The following RPAP2 variants were observed in gnomAD, a reference collection of about 807,000 sequenced individuals.
RPAP2 encodes the protein putative RNA polymerase II subunit B1 CTD phosphatase RPAP2.
Under a neutral mutation model 73.1 loss-of-function variants are expected in RPAP2, and 52 were observed. The observed-to-expected ratio is 0.71, with a 90% confidence interval of 0.57 to 0.90. RPAP2 has a LOEUF of 0.90. RPAP2 is among the 40% of genes least tolerant of loss of function. RPAP2 has a pLI of 0.00. For synonymous variants in RPAP2, 225 were observed against 242.1 expected (o/e 0.93, Z 0.65); for missense variants, 598 against 701.8 (o/e 0.85, Z 1.67).
At chr1:92,374,930 A>G (rs780660025) in intron 11 of RPAP2, among the ~76,000 whole-genome samples, 3 of 152,146 alleles carry the variant, frequency 2.0e-5, no homozygotes, top group Non-Finnish European at 2.9e-5. Context: ...TTATCTATGT[A>G]AGCAAAAACC....
chr1:92,335,608 A>T (rs1181338663), intron 9 of RPAP2, among the ~76,000 whole-genome samples: 1 of 152,166 alleles, frequency 6.6e-6, no homozygotes, highest in Non-Finnish European at 1.5e-5. Flanking sequence ...ATATATATGA[A>T]GTACAATGGT....
At position 92,391,374 on chromosome 1, in the gene RPAP2, T is replaced by A. The variant is rs183723726; in HGVS notation, c.*4363T>A. The A allele has an allele frequency of 6.6e-6, 1 of 151,830 alleles. No homozygotes were observed. The highest frequency in any genetic ancestry group is 2.4e-5 in the African/African-American group (1 of 41,410). 9.4% of individuals were successfully genotyped at this position (151,830 alleles called of 1,614,324 possible). A position where few individuals can be genotyped will look rare whatever the true frequency, so the allele number is the denominator to read the frequency against. ...AATGTACCAGAATCTCTAGGACATGTTTAAAGCAGTATGTAGAGGGAAATT... is the reference window on the plus strand; with the variant it reads ...AATGTACCAGAATCTCTAGGACATGATTAAAGCAGTATGTAGAGGGAAATT... On this transcript the variant is annotated 3_prime_UTR_variant, in exon 13 of 13. Transcript: ENST00000610020.
chr1:92,323,608 G>C lies in RPAP2; in HGVS notation c.688G>C (p.Gly230Arg), dbSNP rs771151513. Residue 230 changes from glycine (G) to arginine (R), a missense_variant, in exon 8 of 13, where the codon GGA becomes CGA. Gly to Arg is a moderately radical substitution (Grantham distance 125, BLOSUM62 -2). This residue lies in a region of RPAP2 where 506 missense variants were observed against 612.8 expected (regional missense o/e 0.83). Transcript: ENST00000610020. ...EQDFVSSILP[G>R]NRPNSTNIRP... ...AGACTTTGTTTCCTCCATTCTACCA[G>C]GAAACAGACCAAATTCAACAAATAT... 1 of 1,613,908 alleles carries C rather than the reference G, an allele frequency of 6.2e-7. No homozygotes were observed. The highest frequency in any genetic ancestry group is 8.5e-7 in the Non-Finnish European group (1 of 1,179,970).
rs11164225 is a variant in RPAP2 at position 92,356,280 on chromosome 1, T to C, written c.1688+10366T>C. 4.3e-3 allele frequency among the ~76,000 whole-genome samples: 659 copies of C among 152,256 alleles called. 6 individuals are homozygous for C. Among genetic ancestry groups the C allele is most frequent in the African/African-American group, 0.015 (639 of 41,562 alleles). On this transcript the variant is annotated intron_variant, in intron 11 of 12. Transcript: ENST00000610020. Reference sequence around the variant, plus strand: ...GTGTGAGCCACCATGCCCAGCCTATTATTTATATTTTATTCTGGGAATAAG... The same window carrying C: ...GTGTGAGCCACCATGCCCAGCCTATCATTTATATTTTATTCTGGGAATAAG...
Position 92,304,153 on chromosome 1 carries a change from A to G in RPAP2, c.333+78A>G, listed in dbSNP as rs545349551. 17 of 1,268,044 alleles carry G rather than the reference A, an allele frequency of 1.3e-5. No homozygotes were observed. In the African/African-American group the frequency reaches 2.1e-4, roughly 16 times the overall value. 78.5% of individuals were successfully genotyped at this position (1,268,044 alleles called of 1,614,324 possible). A position where few individuals can be genotyped will look rare whatever the true frequency, so the allele number is the denominator to read the frequency against. ...AAATACTTTGTTGTAAGAATAAGAAATAAAACCTAAGGTCATGAACTAAAG... is the reference window on the plus strand; with the variant it reads ...AAATACTTTGTTGTAAGAATAAGAAGTAAAACCTAAGGTCATGAACTAAAG... On this transcript the variant is annotated intron_variant, in intron 4 of 12. Coordinates refer to ENST00000610020, the MANE Select transcript of RPAP2 (RefSeq NM_024813.3).
intron 8 of RPAP2, among the ~76,000 whole-genome samples, chr1:92,325,930 T>C (rs367788494): frequency 1.1e-4 from 16 of 152,196 alleles, no homozygotes; most frequent in African/African-American, 3.9e-4. Flanking sequence ...ACCATTTATT[T>C]ATGCTAATGG....
chr1:92,333,598 T>C, intron 9 of RPAP2, 125 bp downstream of exon 9: 1 of 692,000 alleles, frequency 1.4e-6, no homozygotes, highest in Non-Finnish European at 2.4e-6. Context: ...AAAGTTCACA[T>C]GGATTTCTTC....
At position 92,397,825 on chromosome 1, in the gene RPAP2, G is replaced by T. The variant is rs1186882662; in HGVS notation, c.*10814G>T. 1 of 152,244 alleles carries T rather than the reference G, an allele frequency of 6.6e-6. No individual in the cohort carries two copies. The highest frequency in any genetic ancestry group is 1.5e-5 in the Non-Finnish European group (1 of 68,068). The allele number at this position is 152,244 out of a possible 1,614,324, so 9.4% of individuals were successfully genotyped here. A position where few individuals can be genotyped will look rare whatever the true frequency, so the allele number is the denominator to read the frequency against. On this transcript the variant is annotated 3_prime_UTR_variant, in exon 13 of 13. Coordinates refer to ENST00000610020, the MANE Select transcript of RPAP2 (RefSeq NM_024813.3). The stretch of plus-strand genomic sequence containing the variant: ...ACTAAGCAAGTGCTCAAAAACAAAA[G>T]GATAGAAGCATGTCAGACAGACACA...
Position 92,299,104 on chromosome 1 carries a change from G to T in RPAP2, c.31G>T (p.Gly11Cys), listed in dbSNP as rs764666965. The change falls in exon 1 of 13, where the codon GGC (glycine) becomes TGC (cysteine). Residue 11 changes from glycine to cysteine, a missense_variant. Coordinates refer to ENST00000610020, the MANE Select transcript of RPAP2 (RefSeq NM_024813.3). Reference sequence around the variant, plus strand: ...GGACTTCGCTGGGCCGTCTTCTGCCGGCCGCAAGGCCGGGGCTCCCCGCTG... The same window carrying T: ...GGACTTCGCTGGGCCGTCTTCTGCCTGCCGCAAGGCCGGGGCTCCCCGCTG... MADFAGPSSA[G>C]RKAGAPRCSR... 6 of 1,520,750 alleles carry T rather than the reference G, an allele frequency of 3.9e-6. No individual in the cohort carries two copies. The South Asian group carries it at 6.2e-5, about 16-fold the overall frequency. 94.2% of individuals were successfully genotyped at this position (1,520,750 alleles called of 1,614,324 possible). A position where few individuals can be genotyped will look rare whatever the true frequency, so the allele number is the denominator to read the frequency against.
chr1:92,320,687 A>G (rs981608650), intron 7 of RPAP2, 53 bp downstream of exon 7: 1 of 1,439,762 alleles, frequency 6.9e-7, no homozygotes, highest in East Asian at 2.3e-5. Flanking sequence ...TAATAGAAAC[A>G]TTAGGAGTGA....
Position 92,380,873 on chromosome 1 carries a change from G to A in RPAP2, c.1838G>A (p.Ter613=). ...IIFRTSCLPE[*] Reference sequence around the variant, plus strand: ...TTTAGAACCAGCTGTTTACCAGAGTGGTAAGTTGGATTGTGTTTTATTTTG... The same window carrying A: ...TTTAGAACCAGCTGTTTACCAGAGTAGTAAGTTGGATTGTGTTTTATTTTG... Residue 613 remains the stop codon, a splice_region_variant and stop_retained_variant, in exon 12 of 13, where the codon TGA becomes TAA. Coordinates refer to ENST00000610020, the MANE Select transcript of RPAP2 (RefSeq NM_024813.3). The A allele has an allele frequency of 1.9e-6, 3 of 1,557,420 alleles. No homozygotes were observed. Among genetic ancestry groups the A allele is most frequent in the Non-Finnish European group, 2.6e-6 (3 of 1,159,626 alleles).
At chr1:92,374,113 A>G (rs768690091) in intron 11 of RPAP2, among the ~76,000 whole-genome samples, 10 of 152,338 alleles carry the variant, frequency 6.6e-5, no homozygotes, top group South Asian at 2.1e-4. Flanking sequence ...GGGAAGCCCA[A>G]TTTGGCCTGT....
At chr1:92,366,810 G>C (rs1264770553) in intron 11 of RPAP2, among the ~76,000 whole-genome samples, 2 of 152,098 alleles carry the variant, frequency 1.3e-5, no homozygotes, top group South Asian at 4.2e-4. Flanking sequence ...GGTTTGTATG[G>C]AGCCCTGCAA....
chr1:92,346,876 C>A (rs2101312905), intron 11 of RPAP2, among the ~76,000 whole-genome samples: 1 of 152,264 alleles, frequency 6.6e-6, no homozygotes, highest in Middle Eastern at 3.4e-3. Context: ...ATTACTGTTG[C>A]TGCTTGGTGC....
At chr1:92,312,340 A>G (rs919192773) in intron 6 of RPAP2, among the ~76,000 whole-genome samples, 17 of 151,960 alleles carry the variant, frequency 1.1e-4, no homozygotes, top group Admixed American at 1.1e-3. Flanking sequence ...AGATCACTTG[A>G]GCATAGGAGT....
rs986179375 is a variant in RPAP2 at position 92,392,926 on chromosome 1, A to G, written c.*5915A>G. The stretch of plus-strand genomic sequence containing the variant: ...TTGCCCAAACTGATTTATAGATTCA[A>G]TGCTATCCCCATCAAGCTACCACTA... On this transcript the variant is annotated 3_prime_UTR_variant, in exon 13 of 13. Coordinates refer to ENST00000610020, the MANE Select transcript of RPAP2 (RefSeq NM_024813.3). 8 of 152,230 alleles carry G rather than the reference A, an allele frequency of 5.3e-5. No individual in the cohort carries two copies. The highest frequency in any genetic ancestry group is 1.9e-4 in the African/African-American group (8 of 41,454). The allele number at this position is 152,230 out of a possible 1,614,324, so 9.4% of individuals were successfully genotyped here.
chr1:92,299,927 CT>C (rs1333279966), intron 1 of RPAP2, among the ~76,000 whole-genome samples: 1 of 152,150 alleles, frequency 6.6e-6, no homozygotes, highest in Admixed American at 6.5e-5. Flanking sequence ...CGATTTCATC[CT>C]TGTGTGACCA....
intron 7 of RPAP2, among the ~76,000 whole-genome samples, chr1:92,322,745 T>C (rs1223381629): frequency 1.3e-5 from 2 of 151,078 alleles, no homozygotes; most frequent in Non-Finnish European, 3.0e-5. Context: ...GGCGTGGTGG[T>C]GCCCACGTGT....
chr1:92,358,669 C>G (rs1654598960), intron 11 of RPAP2, among the ~76,000 whole-genome samples: 1 of 152,014 alleles, frequency 6.6e-6, no homozygotes, highest in African/African-American at 2.4e-5. Context: ...CTCACTAAAG[C>G]CTTAATCTCC....
Sources: gnomAD v4.1 joint callset for allele counts (sites outside exome capture counted in the v4.1 genomes callset) on GRCh38, gnomAD v4.1.1 for gene constraint, gnomAD v4.1.1 regional missense constraint, MANE v1.5 for transcripts, NCBI Gene and HGNC (gene_info 2026-07-23, HGNC 2026-07-21) for gene names.